The following TNRC6C variants were observed in gnomAD, a reference collection of about 807,000 sequenced individuals.
TNRC6C encodes the protein trinucleotide repeat containing adaptor 6C, also known as trinucleotide repeat-containing gene 6C protein.
Under a neutral mutation model 153.7 loss-of-function variants are expected in TNRC6C, and 20 were observed. The observed-to-expected ratio is 0.13, with a 90% CI of 0.09 to 0.19. The LOEUF is 0.19. Ranked by LOEUF, TNRC6C falls within the 10% of genes least tolerant of loss-of-function variation. The pLI is 1.00. For synonymous variants in TNRC6C, 811 were observed against 841.4 expected (o/e 0.96, Z 0.63); for missense variants, 1,987 against 2,172.0 (o/e 0.91, Z 1.69).
At chr17:77,976,743 A>G (rs1237544629) in intron 1 of TNRC6C, among the ~76,000 whole-genome samples, 1 of 152,044 alleles carries the variant, frequency 6.6e-6, no homozygotes, top group Admixed American at 6.6e-5. Flanking sequence ...AGCCTAACCA[A>G]TATGGTGAAA....
upstream of TNRC6C, among the ~76,000 whole-genome samples, chr17:77,958,404 G>A (rs1411531720): frequency 3.3e-5 from 5 of 152,018 alleles, no homozygotes; most frequent in Non-Finnish European, 7.4e-5. Flanking sequence ...GCCACTCGGA[G>A]CGCGCACCGC....
chr17:77,979,325 C>T (rs978986733), intron 1 of TNRC6C, among the ~76,000 whole-genome samples: 13 of 152,102 alleles, frequency 8.5e-5, no homozygotes, highest in African/African-American at 3.1e-4. Context: ...CTGATTTGAT[C>T]CTTACAAATC....
chr17:78,050,436 T>C lies in TNRC6C; in HGVS notation c.1374T>C (p.Thr458=), dbSNP rs1316178263. 6 of 1,613,914 alleles carry C rather than the reference T, an allele frequency of 3.7e-6. No homozygotes were observed. The African/African-American group carries it at 5.3e-5, about 14-fold the overall frequency. The change falls in exon 3 of 20, where the codon ACT becomes ACC. Residue 458 remains threonine, a synonymous_variant. Transcript: ENST00000301624. ...GACAGACTCCTGTAAAGCAAAACACTGCCTGGGAATTTGAAGAATCCCCTA... is the reference window on the plus strand; with the variant it reads ...GACAGACTCCTGTAAAGCAAAACACCGCCTGGGAATTTGAAGAATCCCCTA...
At chr17:77,975,136 A>G (rs970495618) in intron 1 of TNRC6C, among the ~76,000 whole-genome samples, 2 of 152,204 alleles carry the variant, frequency 1.3e-5, no homozygotes, top group Non-Finnish European at 2.9e-5. Context: ...TCTTCCATGC[A>G]TCTTTTGCTG....
At chr17:77,965,183 A>G (rs971007062) in intron 1 of TNRC6C, among the ~76,000 whole-genome samples, 13 of 152,240 alleles carry the variant, frequency 8.5e-5, no homozygotes, top group Non-Finnish European at 1.9e-4. Flanking sequence ...ACAAGATCCT[A>G]TAGCTTATAG....
At chr17:77,962,063 A>G (rs967712769) in intron 1 of TNRC6C, among the ~76,000 whole-genome samples, 7 of 152,140 alleles carry the variant, frequency 4.6e-5, no homozygotes, top group African/African-American at 1.7e-4. Context: ...AGGTATTTAC[A>G]TTACCTCTCC....
chr17:77,960,814 CTAGTT>C (rs2070855771), intron 1 of TNRC6C, among the ~76,000 whole-genome samples: 1 of 152,136 alleles, frequency 6.6e-6, no homozygotes, highest in African/African-American at 2.4e-5. Flanking sequence ...TTTAAAATGA[CTAGTT>C]CAGTTGTCGG....
chr17:78,034,589 A>G (rs1451536530), intron 2 of TNRC6C, among the ~76,000 whole-genome samples: 2 of 151,894 alleles, frequency 1.3e-5, no homozygotes, highest in Admixed American at 1.3e-4. Flanking sequence ...ACACCTTTGC[A>G]CTTACTGTAT....
chr17:78,050,600 C>A (rs1206659084), exon 3 of TNRC6C: 1 of 1,585,236 alleles, frequency 6.3e-7, no homozygotes, highest in South Asian at 1.2e-5. Context: ...GTCAACGCGC[C>A]ACCTGCCGCT....
chr17:77,988,180 C>T (rs546479296), intron 1 of TNRC6C, among the ~76,000 whole-genome samples: 6 of 151,956 alleles, frequency 3.9e-5, no homozygotes, highest in South Asian at 4.2e-4. Context: ...GGTGAGACTC[C>T]GTCTCAAAAA....
chr17:78,050,871 G>T, exon 3 of TNRC6C: 1 of 1,613,948 alleles, frequency 6.2e-7, no homozygotes, highest in Non-Finnish European at 8.5e-7. Flanking sequence ...CAGATTCATC[G>T]TCTGTCCTTG....
intron 2 of TNRC6C, chr17:78,040,937 C>T (rs964343476): frequency 6.6e-6 from 1 of 152,116 alleles, no homozygotes; most frequent in Non-Finnish European, 1.5e-5. Context: ...GCGGGTGGCC[C>T]GGACGCAGAC....
intron 10 of TNRC6C, among the ~76,000 whole-genome samples, chr17:78,080,864 T>C (rs1384102521): frequency 1.3e-5 from 2 of 152,234 alleles, no homozygotes; most frequent in Non-Finnish European, 2.9e-5. Flanking sequence ...AGGGATCTTA[T>C]GTTCAATCTG....
intron 18 of TNRC6C, chr17:78,102,765 ATTGT>A (rs892934755): frequency 5.7e-6 from 3 of 522,244 alleles, no homozygotes; most frequent in Admixed American, 3.6e-5. Context: ...TTCCTGGTGA[ATTGT>A]TTGTTTCCCC....
At chr17:78,054,431 A>G (rs1388841653) in intron 3 of TNRC6C, among the ~76,000 whole-genome samples, 1 of 149,238 alleles carries the variant, frequency 6.7e-6, no homozygotes, top group Non-Finnish European at 1.5e-5. Context: ...ACTGCAGACT[A>G]CTGTAAACCA....
At chr17:77,966,576 G>C (rs916107768) in intron 1 of TNRC6C, among the ~76,000 whole-genome samples, 1 of 152,142 alleles carries the variant, frequency 6.6e-6, no homozygotes, top group Non-Finnish European at 1.5e-5. Context: ...AAGATATTTG[G>C]TTAAATACAC....
At chr17:77,964,642 A>C (rs2070884002) in intron 1 of TNRC6C, among the ~76,000 whole-genome samples, 1 of 152,232 alleles carries the variant, frequency 6.6e-6, no homozygotes, top group Admixed American at 6.5e-5. Flanking sequence ...TGAAAATAGC[A>C]ACTGGGAATT....
chr17:78,093,833 A>G lies in TNRC6C; in HGVS notation c.4306+70A>G, dbSNP rs2073435029. ...GACCCATTTGGAGATGTCAGGGGTGACAGGTTGGGCTGTGAGGCAGGGATG... is the reference window on the plus strand; with the variant it reads ...GACCCATTTGGAGATGTCAGGGGTGGCAGGTTGGGCTGTGAGGCAGGGATG... On this transcript the variant is annotated intron_variant, in intron 16 of 19. Transcript: ENST00000301624. 5.0e-6 allele frequency: 8 copies of G among 1,584,318 alleles called. No individual in the cohort carries two copies. In the Admixed American group the frequency reaches 1.2e-4, roughly 24 times the overall value.
intron 8 of TNRC6C, among the ~76,000 whole-genome samples, chr17:78,076,610 A>C (rs2073090507): frequency 6.6e-6 from 1 of 152,230 alleles, no homozygotes; most frequent in Admixed American, 6.5e-5. Flanking sequence ...CCTGACATTT[A>C]AAATATGGAA....
Sources: allele counts gnomAD v4.1 joint callset (sites outside exome capture counted in the v4.1 genomes callset), GRCh38; gene constraint gnomAD v4.1.1; transcripts MANE v1.5; gene names NCBI Gene and HGNC (gene_info 2026-07-23, HGNC 2026-07-21).